SMCHD1: variants seen among roughly 807,000 people sequenced by gnomAD.
SMCHD1 encodes structural maintenance of chromosomes flexible hinge domain-containing protein 1.
A neutral mutation model predicts 254.7 loss-of-function variants in SMCHD1; 78 were observed. The observed-to-expected ratio is 0.31, with a 90% confidence interval of 0.26 to 0.37. The LOEUF (loss-of-function observed/expected upper bound fraction) is 0.37. Ranked by LOEUF, SMCHD1 falls within the 10% of genes least tolerant of loss-of-function variation. The pLI is 1.00. For missense variants in SMCHD1, 1,840 were observed against 2,408.1 expected (o/e 0.76, Z 4.94); for synonymous variants, 766 against 794.9 (o/e 0.96, Z 0.61).
intron 8 of SMCHD1, among the ~76,000 whole-genome samples, chr18:2,696,603 A>C (rs567013672): frequency 1.3e-5 from 2 of 152,184 alleles, no homozygotes; most frequent in Non-Finnish European, 2.9e-5. Flanking sequence ...GTATTCTCTT[A>C]TTGAGATTAG....
chr18:2,783,557 T>C (rs753270927), intron 44 of SMCHD1, among the ~76,000 whole-genome samples: 6 of 152,190 alleles, frequency 3.9e-5, no homozygotes, highest in Non-Finnish European at 4.4e-5. Context: ...TCCTTTATTC[T>C]GACTTCTCTG....
chr18:2,708,509 T>C, intron 17 of SMCHD1, among the ~76,000 whole-genome samples: 1 of 151,792 alleles, frequency 6.6e-6, no homozygotes, highest in African/African-American at 2.4e-5. Context: ...CCAGCCTGGG[T>C]GGTAAAGTAA....
intron 27 of SMCHD1, among the ~76,000 whole-genome samples, chr18:2,740,464 T>TA (rs1415181026): frequency 2.0e-5 from 3 of 152,132 alleles, no homozygotes; most frequent in Non-Finnish European, 4.4e-5. Flanking sequence ...ATTTTCATGG[T>TA]AAAAAAATCT....
At chr18:2,754,566 T>C (rs889918207) in intron 34 of SMCHD1, among the ~76,000 whole-genome samples, 1 of 152,216 alleles carries the variant, frequency 6.6e-6, no homozygotes. Flanking sequence ...TTCAGGGTTT[T>C]TGTTAGGGTG....
chr18:2,658,301 G>C (rs1447200022), intron 1 of SMCHD1, among the ~76,000 whole-genome samples: 1 of 152,110 alleles, frequency 6.6e-6, no homozygotes, highest in African/African-American at 2.4e-5. Context: ...GATAAATAGA[G>C]GAAGTATTAT....
intron 45 of SMCHD1, among the ~76,000 whole-genome samples, chr18:2,793,656 C>CAAAAAAAAAAAAAAAA (rs1277905569): frequency 0.016 from 711 of 43,694 alleles, 38 homozygotes; most frequent in East Asian, 0.062. Flanking sequence ...GACTCCGTCT[C>CAAAAAAAAAAAAAAAA]AAAAAAAAAA....
Position 2,738,430 on chromosome 18 carries a change from T to C in SMCHD1, c.3310T>C (p.Leu1104=). 1.2e-6 allele frequency: 2 copies of C among 1,608,968 alleles called. No homozygotes were observed. The highest frequency in any genetic ancestry group is 1.7e-6 in the Non-Finnish European group (2 of 1,177,362). ...GACTCCTGAGATTAACAAAGAACAC[T>C]TGCTACAGGGTCTGCTTCCTGATGT... is the stretch of plus-strand genomic sequence containing the variant. The part of the protein sequence containing the change: ...NWTPEINKEH[L]LQGLLPDVQV... Residue 1104 remains leucine, a synonymous_variant, in exon 26 of 48, where the codon TTG becomes CTG. Coordinates refer to ENST00000320876, the MANE Select transcript of SMCHD1 (RefSeq NM_015295.3).
At position 2,739,757 on chromosome 18, in the gene SMCHD1, T is replaced by C. The variant is rs557839236; in HGVS notation, c.3514+237T>C. Among the ~76,000 whole-genome samples the C allele has an allele frequency of 3.9e-5, 6 of 152,288 alleles. No individual in the cohort carries two copies. The East Asian group carries it at 1.2e-3, about 29-fold the overall frequency. Reference sequence around the variant, plus strand: ...GTCGAAAAAAAATCTTGTCTTTTGTTAGAAGTAATATTACTAGTTAGAAGT... The same window carrying C: ...GTCGAAAAAAAATCTTGTCTTTTGTCAGAAGTAATATTACTAGTTAGAAGT... On this transcript the variant is annotated intron_variant, in intron 27 of 47. Coordinates refer to ENST00000320876, the MANE Select transcript of SMCHD1 (RefSeq NM_015295.3).
chr18:2,741,014 T>C (rs1414263527), intron 28 of SMCHD1, among the ~76,000 whole-genome samples, 193 bp downstream of exon 28: 1 of 152,186 alleles, frequency 6.6e-6, no homozygotes, highest in Admixed American at 6.5e-5. Flanking sequence ...ATTTCTTGTG[T>C]TCCCATCATC....
rs1208531232 is a variant in SMCHD1 at position 2,802,666 on chromosome 18, A to G, written c.*114A>G. ...CAGACTGAGTATTTCTGGGGACAAT[A>G]CAAGTACCTGGGCATGAATTTCCAT... On this transcript the variant is annotated 3_prime_UTR_variant, in exon 48 of 48. Transcript: ENST00000320876. The G allele has an allele frequency of 2.2e-6, 2 of 911,418 alleles. No individual in the cohort carries two copies. Among genetic ancestry groups the G allele is most frequent in the Non-Finnish European group, 3.2e-6 (2 of 621,178 alleles). The allele number at this position is 911,418 out of a possible 1,614,324, so 56.5% of individuals were successfully genotyped here. A position where few individuals can be genotyped will look rare whatever the true frequency, so the allele number is the denominator to read the frequency against.
intron 47 of SMCHD1, among the ~76,000 whole-genome samples, chr18:2,798,093 A>G (rs1308056081): frequency 6.6e-6 from 1 of 152,200 alleles, no homozygotes; most frequent in East Asian, 1.9e-4. Context: ...TGATGCTCTA[A>G]GAAAATAACA....
intron 24 of SMCHD1, among the ~76,000 whole-genome samples, chr18:2,730,744 T>C (rs2075123385): frequency 6.6e-6 from 1 of 152,252 alleles, no homozygotes; most frequent in African/African-American, 2.4e-5. Flanking sequence ...ACATCAGTTA[T>C]TAACATAGCT....
At chr18:2,669,392 T>A (rs2073533163) in intron 3 of SMCHD1, among the ~76,000 whole-genome samples, 1 of 151,648 alleles carries the variant, frequency 6.6e-6, no homozygotes, top group Non-Finnish European at 1.5e-5. Context: ...AGAGATGGAG[T>A]CTCACTATGT....
intron 45 of SMCHD1, among the ~76,000 whole-genome samples, chr18:2,787,386 C>T (rs2076256601): frequency 6.6e-6 from 1 of 152,154 alleles, no homozygotes; most frequent in Non-Finnish European, 1.5e-5. Context: ...GACAAACCAA[C>T]CATAGCAGGT....
At chr18:2,703,056 A>G (rs1232658506) in intron 12 of SMCHD1, among the ~76,000 whole-genome samples, 2 of 152,148 alleles carry the variant, frequency 1.3e-5, no homozygotes, top group Non-Finnish European at 2.9e-5. Context: ...TTATTAGAAA[A>G]CACTTCAGTT....
At chr18:2,743,988 A>G (rs2075400456) in intron 29 of SMCHD1, 60 bp downstream of exon 29, 5 of 1,345,728 alleles carry the variant, frequency 3.7e-6, no homozygotes, top group Admixed American at 2.6e-5. Flanking sequence ...TTACTTTCAG[A>G]TTGTCAGTGA....
chr18:2,776,900 TTTTTC>T (rs1489316329), intron 42 of SMCHD1, among the ~76,000 whole-genome samples: 5 of 152,068 alleles, frequency 3.3e-5, no homozygotes, highest in African/African-American at 1.2e-4. Flanking sequence ...AGGGTAATAC[TTTTTC>T]TTTTCTTAAG....
chr18:2,705,845 T>C, intron 14 of SMCHD1, 38 bp downstream of exon 14: 1 of 1,237,490 alleles, frequency 8.1e-7, no homozygotes, highest in African/African-American at 1.5e-5. Context: ...GAAAGTTTCT[T>C]GATAACACTT....
chr18:2,724,759 T>C (rs2074992305), intron 20 of SMCHD1, 140 bp from the exon 21 acceptor site: 2 of 431,272 alleles, frequency 4.6e-6, no homozygotes, highest in Non-Finnish European at 8.3e-6. Context: ...ATTGGAATTT[T>C]TTTCTGTTTA....
Sources: allele counts gnomAD v4.1 joint callset (sites outside exome capture counted in the v4.1 genomes callset), GRCh38; gene constraint gnomAD v4.1.1; transcripts MANE v1.5; gene names NCBI Gene and HGNC (gene_info 2026-07-23, HGNC 2026-07-21).